The following TRIO variants were observed in gnomAD, a reference collection of about 807,000 sequenced individuals.
The protein encoded by TRIO is trio Rho guanine nucleotide exchange factor.
In TRIO, 58 loss-of-function variants were observed where a neutral mutation model predicts 351.9. The ratio of observed to expected loss-of-function variants is 0.16; its 90% confidence interval spans 0.13 to 0.21. The LOEUF (loss-of-function observed/expected upper bound fraction) is 0.21, where lower values mean the gene tolerates loss of function less well. TRIO is among the 10% of genes least tolerant of loss of function. The probability of loss-of-function intolerance (pLI) is 1.00; values close to 1 mark genes in which losing one functional copy is unlikely to be tolerated. For synonymous variants in TRIO, 1,758 were observed against 1,595.7 expected (o/e 1.10, Z -2.42); for missense variants, 3,201 against 4,027.8 (o/e 0.79, Z 5.56).
At chr5:14,453,715 C>G (rs1753017075) in intron 34 of TRIO, among the ~76,000 whole-genome samples, 3 of 152,206 alleles carry the variant, frequency 2.0e-5, no homozygotes, top group Admixed American at 1.3e-4. Flanking sequence ...CCTTATGGAT[C>G]ATCCATCTGG....
intron 1 of TRIO, among the ~76,000 whole-genome samples, chr5:14,173,644 T>C (rs186848368): frequency 1.3e-5 from 2 of 152,340 alleles, no homozygotes; most frequent in Admixed American, 1.3e-4. Context: ...CAGGAATAAT[T>C]AGATAAGGAT....
At chr5:14,416,819 C>T (rs1749683355) in intron 33 of TRIO, among the ~76,000 whole-genome samples, 1 of 152,120 alleles carries the variant, frequency 6.6e-6, no homozygotes, top group South Asian at 2.1e-4. Context: ...AATGAGGCAG[C>T]CAGAGGGCAG....
At chr5:14,506,476 C>T (rs1032652611) in intron 55 of TRIO, among the ~76,000 whole-genome samples, 1 of 152,220 alleles carries the variant, frequency 6.6e-6, no homozygotes, top group African/African-American at 2.4e-5. Flanking sequence ...ACCTTGGGAA[C>T]GTTTCATGCT....
At chr5:14,199,643 C>T (rs917603301) in intron 1 of TRIO, among the ~76,000 whole-genome samples, 2 of 152,212 alleles carry the variant, frequency 1.3e-5, no homozygotes, top group African/African-American at 4.8e-5. Context: ...TAATGACCAT[C>T]TCCTTTTTCT....
chr5:14,389,352 C>T lies in TRIO; in HGVS notation c.4012C>T (p.Leu1338Phe), dbSNP rs1746844351. 2 of 1,612,198 alleles carry T rather than the reference C, an allele frequency of 1.2e-6. No individual in the cohort carries two copies. Among genetic ancestry groups the T allele is most frequent in the African/African-American group, 1.3e-5 (1 of 74,694 alleles). The change falls in exon 25 of 57, where the codon CTC becomes TTC. Residue 1338 changes from leucine (L) to phenylalanine (F), a missense_variant. By Grantham distance (22) the Leu-to-Phe change is conservative (BLOSUM62 0). Coordinates refer to ENST00000344204, the MANE Select transcript of TRIO (RefSeq NM_007118.4). The stretch of plus-strand genomic sequence containing the variant: ...TCCACCTGGCATTGTAAACAAAGAA[C>T]TCATCATCTTCGGAAACATGCAAGA... ...EIPPGIVNKE[L>F]IIFGNMQEIY... is the part of the protein sequence containing the mutation.
chr5:14,487,435 C>T (rs752920885), intron 47 of TRIO, 29 bp from the exon 48 acceptor site: 5 of 1,099,894 alleles, frequency 4.5e-6, no homozygotes, highest in Non-Finnish European at 5.6e-6. Context: ...GCGCCCTGAC[C>T]CAGTCTCTCC....
chr5:14,486,523 ATG>A (rs1196984164), intron 47 of TRIO, among the ~76,000 whole-genome samples: 1 of 152,156 alleles, frequency 6.6e-6, no homozygotes, highest in East Asian at 1.9e-4. Flanking sequence ...AAGAGGTTCA[ATG>A]TGGTGTTCTT....
chr5:14,482,433 G>C (rs1755597425), intron 45 of TRIO, 149 bp from the exon 46 acceptor site: 2 of 607,664 alleles, frequency 3.3e-6, no homozygotes, highest in African/African-American at 1.9e-5. Context: ...GCCAAGAACA[G>C]TAAAAGAAAA....
At chr5:14,498,862 C>T (rs1300905518) in intron 53 of TRIO, 5 of 522,476 alleles carry the variant, frequency 9.6e-6, no homozygotes, top group South Asian at 3.5e-5. Flanking sequence ...GGGGAGACAC[C>T]GGAGCTCCTG....
At chr5:14,171,573 C>T (rs955148558) in intron 1 of TRIO, among the ~76,000 whole-genome samples, 2 of 152,100 alleles carry the variant, frequency 1.3e-5, no homozygotes, top group Non-Finnish European at 2.9e-5. Flanking sequence ...AGTCTTATCA[C>T]CGGTGGAGGT....
chr5:14,445,879 T>C (rs1458874945), intron 34 of TRIO, among the ~76,000 whole-genome samples: 1 of 152,204 alleles, frequency 6.6e-6, no homozygotes, highest in African/African-American at 2.4e-5. Flanking sequence ...TTTTTCCCTT[T>C]GTCTCTCTCC....
intron 1 of TRIO, among the ~76,000 whole-genome samples, chr5:14,258,981 ACCAACCTCC>A (rs1795185249): frequency 6.6e-6 from 1 of 152,162 alleles, no homozygotes; most frequent in African/African-American, 2.4e-5. Context: ...GTTCCTAAGT[ACCAACCTCC>A]CCTGAGGTAA....
chr5:14,399,164 C>T, intron 30 of TRIO, 94 bp downstream of exon 30: 1 of 1,183,664 alleles, frequency 8.4e-7, no homozygotes, highest in South Asian at 1.3e-5. Flanking sequence ...TTCAGTTTAA[C>T]CTCCCAATCT....
chr5:14,463,643 A>C (rs537025891), intron 36 of TRIO, among the ~76,000 whole-genome samples: 12 of 152,086 alleles, frequency 7.9e-5, no homozygotes, highest in African/African-American at 2.9e-4. Flanking sequence ...GTGCCCCTCA[A>C]AATCATGCTA....
intron 1 of TRIO, among the ~76,000 whole-genome samples, chr5:14,176,845 T>C (rs1196025478): frequency 6.6e-6 from 1 of 152,224 alleles, no homozygotes; most frequent in Admixed American, 6.5e-5. Context: ...GCCAAAACAT[T>C]TAATTTTTCT....
intron 33 of TRIO, among the ~76,000 whole-genome samples, chr5:14,416,581 A>G (rs1180021455): frequency 2.0e-5 from 3 of 152,236 alleles, no homozygotes; most frequent in African/African-American, 4.8e-5. Context: ...TTAACTTTGT[A>G]TATGATTCTT....
chr5:14,479,371 A>T (rs763647962), intron 42 of TRIO, 21 bp downstream of exon 42: 2 of 1,568,532 alleles, frequency 1.3e-6, no homozygotes, highest in Non-Finnish European at 1.7e-6. Context: ...AGATACAAAC[A>T]GAAAGTATTT....
Position 14,481,659 on chromosome 5 carries a change from C to A in TRIO, c.6465+41C>A, listed in dbSNP as rs374579421. The A allele has an allele frequency of 3.8e-6, 6 of 1,597,236 alleles. No individual in the cohort carries two copies. The East Asian group carries it at 1.3e-4, about 36-fold the overall frequency. On this transcript the variant is annotated intron_variant, in intron 45 of 56. Coordinates refer to ENST00000344204, the MANE Select transcript of TRIO (RefSeq NM_007118.4). ...TTTTTTAAGAGAGCTCCTCTGCCTT[C>A]ATCTCTTTCTTTTGTCTTGGATTAT... is the stretch of plus-strand genomic sequence containing the variant.
At chr5:14,430,932 G>T (rs1204641019) in intron 34 of TRIO, among the ~76,000 whole-genome samples, 2 of 152,092 alleles carry the variant, frequency 1.3e-5, no homozygotes, top group African/African-American at 4.8e-5. Flanking sequence ...GGCGGGTCTT[G>T]AACTCCTGAC....
Sources: allele counts gnomAD v4.1 joint callset (sites outside exome capture counted in the v4.1 genomes callset), GRCh38; gene constraint gnomAD v4.1.1; transcripts MANE v1.5; gene names NCBI Gene and HGNC (gene_info 2026-07-23, HGNC 2026-07-21).